The following COL22A1 variants were observed in gnomAD, a reference collection of about 807,000 sequenced individuals.
The protein encoded by COL22A1 is collagen type XXII alpha 1 chain.
In COL22A1, 221 loss-of-function variants were observed where a neutral mutation model predicts 248.9. That is an observed-to-expected ratio of 0.89 (90% CI 0.80 to 0.99). COL22A1 has a LOEUF of 0.99. COL22A1 is among the 50% of genes least tolerant of loss of function. The pLI, the probability that COL22A1 is intolerant of heterozygous loss-of-function variation, is 0.00. For missense variants in COL22A1, 2,240 were observed against 2,179.0 expected, an observed-to-expected ratio of 1.03 and a Z score of -0.56; for synonymous variants, 891 against 793.4, an observed-to-expected ratio of 1.12 and a Z score of -2.07.
chr8:138,716,108 T>A, intron 29 of COL22A1, 119 bp downstream of exon 29: 2 of 776,534 alleles, frequency 2.6e-6, no homozygotes, highest in Non-Finnish European at 4.2e-6. Flanking sequence ...CACTGAGAAA[T>A]ACACTCTTCA....
intron 4 of COL22A1, among the ~76,000 whole-genome samples, chr8:138,843,610 C>T (rs145773001): frequency 6.6e-6 from 1 of 152,306 alleles, no homozygotes; most frequent in African/African-American, 2.4e-5. Context: ...TGTCATATGC[C>T]TGACAGCCTT....
At chr8:138,658,402 T>A (rs564998642) in intron 44 of COL22A1, among the ~76,000 whole-genome samples, 1 of 152,198 alleles carries the variant, frequency 6.6e-6, no homozygotes, top group Admixed American at 6.5e-5. Flanking sequence ...CTTGGACACA[T>A]ACCTCAGTCT....
chr8:138,812,168 G>A (rs986436101), intron 8 of COL22A1, among the ~76,000 whole-genome samples: 12 of 152,270 alleles, frequency 7.9e-5, no homozygotes, highest in African/African-American at 2.9e-4. Flanking sequence ...AACAGTTCCC[G>A]CTGTCCCTAT....
At chr8:138,812,446 A>G (rs1397066230) in intron 8 of COL22A1, among the ~76,000 whole-genome samples, 1 of 152,140 alleles carries the variant, frequency 6.6e-6, no homozygotes, top group Non-Finnish European at 1.5e-5. Flanking sequence ...AGGACTTGGC[A>G]AAGAGGGTTG....
chr8:138,675,580 T>C (rs1408376414), intron 41 of COL22A1, among the ~76,000 whole-genome samples: 2 of 152,128 alleles, frequency 1.3e-5, no homozygotes, highest in Admixed American at 6.6e-5. Context: ...AAGCACTGAG[T>C]ATTTGAGCTT....
chr8:138,733,194 A>C (rs1830839865), intron 23 of COL22A1, among the ~76,000 whole-genome samples: 1 of 152,202 alleles, frequency 6.6e-6, no homozygotes. Context: ...ACCAAGCCGC[A>C]CTGCCTGCAC....
intron 35 of COL22A1, 95 bp downstream of exon 35, chr8:138,693,551 C>T: frequency 7.6e-7 from 1 of 1,320,922 alleles, no homozygotes; most frequent in East Asian, 2.5e-5. Context: ...GTCCTCCTAG[C>T]TAGCCCAGAG....
rs1014705932 is a variant in COL22A1, at chr8:138,811,924, G to A, written c.1327-3C>T. On this transcript the variant is annotated splice_polypyrimidine_tract_variant and splice_region_variant and intron_variant, in intron 8 of 64. Coordinates refer to ENST00000303045, the MANE Select transcript of COL22A1 (RefSeq NM_152888.3). ...TCTGTCACCACGGTCACCTGGCACT[G>A]GAAGGAAAGCCCAGGAGGTCAGAAC... 1.9e-6 allele frequency: 3 copies of A among 1,543,832 alleles called. No homozygotes were observed. In the African/African-American group the frequency reaches 4.1e-5, roughly 21 times the overall value.
chr8:138,889,651 C>G (rs116139609), intron 1 of COL22A1, among the ~76,000 whole-genome samples: 1 of 152,204 alleles, frequency 6.6e-6, no homozygotes, highest in Non-Finnish European at 1.5e-5. Context: ...CAGCATGGCA[C>G]GTATACATAT....
intron 44 of COL22A1, among the ~76,000 whole-genome samples, chr8:138,658,547 G>A (rs537803098): frequency 6.6e-6 from 1 of 152,306 alleles, no homozygotes; most frequent in South Asian, 2.1e-4. Flanking sequence ...GTCACACACC[G>A]TGACTTGGAG....
intron 3 of COL22A1, among the ~76,000 whole-genome samples, chr8:138,869,523 A>G (rs1157050275): frequency 6.6e-6 from 1 of 152,204 alleles, no homozygotes; most frequent in East Asian, 1.9e-4. Flanking sequence ...CAACGGTTCC[A>G]GGGGTCATCT....
chr8:138,870,549 G>A (rs1289326301), intron 3 of COL22A1, among the ~76,000 whole-genome samples: 1 of 151,884 alleles, frequency 6.6e-6, no homozygotes, highest in African/African-American at 2.4e-5. Flanking sequence ...TAGACTGTGT[G>A]TATGTGGTGC....
At chr8:138,616,315 G>A (rs1048081877) in intron 54 of COL22A1, among the ~76,000 whole-genome samples, 5 of 152,160 alleles carry the variant, frequency 3.3e-5, no homozygotes, top group East Asian at 1.9e-4. Flanking sequence ...GCAGCTGAAG[G>A]CTCTGGCATC....
intron 4 of COL22A1, among the ~76,000 whole-genome samples, chr8:138,834,109 C>G (rs1460366526): frequency 1.3e-5 from 2 of 152,168 alleles, no homozygotes. Flanking sequence ...GAGGACAACA[C>G]TCGTTCTGGA....
chr8:138,868,734 CT>C (rs34915430), intron 3 of COL22A1, among the ~76,000 whole-genome samples: 231 of 145,396 alleles, frequency 1.6e-3, no homozygotes, highest in African/African-American at 2.2e-3. Context: ...CATTGTCCTC[CT>C]TTTTTTTTTT....
At position 138,877,793 on chromosome 8, in the gene COL22A1, G is replaced by C; in HGVS notation, c.615C>G (p.Ala205=). 2 of 1,607,366 alleles carry C rather than the reference G, an allele frequency of 1.2e-6. No homozygotes were observed. Among genetic ancestry groups the C allele is most frequent in the Non-Finnish European group, 1.7e-6 (2 of 1,176,694 alleles). Residue 205 remains alanine, a synonymous_variant, in exon 3 of 65, where the codon GCC becomes GCG. Transcript: ENST00000303045. ...AHVFHVSDFN[A]IDKIRGKLRR... is the part of the protein sequence containing the mutation. ...GCAGCTTGCCCCGGATCTTGTCGAT[G>C]GCATTGAAGTCGGACACGTGGAAGA... is the stretch of plus-strand genomic sequence containing the variant.
At chr8:138,859,450 G>A (rs568515381) in intron 3 of COL22A1, among the ~76,000 whole-genome samples, 49 of 152,348 alleles carry the variant, frequency 3.2e-4, no homozygotes, top group African/African-American at 5.8e-4. Context: ...TGGTGGAGGT[G>A]GGCTCCTGGA....
At chr8:138,697,574 C>T (rs1289767922) in intron 32 of COL22A1, among the ~76,000 whole-genome samples, 3 of 152,194 alleles carry the variant, frequency 2.0e-5, no homozygotes, top group Non-Finnish European at 2.9e-5. Context: ...ACCCTGTCAC[C>T]TCATCAGGTG....
Position 138,664,205 on chromosome 8 carries a change from GCGCGCACACACACACA to G in COL22A1, c.3151-481_3151-466del, listed in dbSNP as rs1184943304. On this transcript the variant is annotated intron_variant, in intron 41 of 64. Transcript: ENST00000303045. Reference sequence around the variant, plus strand: ...TCTCCAACAAGGGGTGCGCGCGCGCGCGCGCACACACACACACACACACACACACACACACACACAC... The same window carrying G: ...TCTCCAACAAGGGGTGCGCGCGCGCGCACACACACACACACACACACACAC... Among the ~76,000 whole-genome samples the G allele has an allele frequency of 1.9e-3, 185 of 97,000 alleles. 1 individual carries two copies. The highest frequency in any genetic ancestry group is 4.8e-3 in the African/African-American group (128 of 26,422). 63.6% of individuals were successfully genotyped at this position (97,000 alleles called of 152,430 possible). A position where few individuals can be genotyped will look rare whatever the true frequency, so the allele number is the denominator to read the frequency against.
Sources: gnomAD v4.1 joint callset for allele counts (sites outside exome capture counted in the v4.1 genomes callset) on GRCh38, gnomAD v4.1.1 for gene constraint, MANE v1.5 for transcripts, NCBI Gene and HGNC (gene_info 2026-07-23, HGNC 2026-07-21) for gene names.